AKAP19: variants seen among roughly 807,000 people sequenced by gnomAD.
The protein encoded by AKAP19 is small A-kinase anchoring protein.
chr2:190,098,735 T>G, the AKAP19 span, among the ~76,000 whole-genome samples: 1 of 152,210 alleles, frequency 6.6e-6, no homozygotes, highest in Non-Finnish European at 1.5e-5. Flanking sequence ...TATCTTCCAA[T>G]ATAAGGCTGT....
At chr2:190,008,807 A>G in the AKAP19 span, among the ~76,000 whole-genome samples, 1 of 151,798 alleles carries the variant, frequency 6.6e-6, no homozygotes, top group Non-Finnish European at 1.5e-5. Context: ...TATGGGGTGT[A>G]AGTAAGCAAA....
chr2:190,026,562 G>A, the AKAP19 span, among the ~76,000 whole-genome samples: 1 of 152,324 alleles, frequency 6.6e-6, no homozygotes. Flanking sequence ...CTGGAAATCA[G>A]CACTTCTGCT....
the AKAP19 span, among the ~76,000 whole-genome samples, chr2:189,894,938 A>C: frequency 6.6e-6 from 1 of 151,756 alleles, no homozygotes; most frequent in Non-Finnish European, 1.5e-5. Flanking sequence ...AAAATTTAGA[A>C]TCAAATATAA....
chr2:189,925,019 C>A, the AKAP19 span, among the ~76,000 whole-genome samples: 28 of 152,262 alleles, frequency 1.8e-4, no homozygotes, highest in South Asian at 5.2e-3. Flanking sequence ...AGACAATAAT[C>A]TCTTCTCATT....
chr2:190,119,398 A>G, the AKAP19 span, among the ~76,000 whole-genome samples: 1 of 152,174 alleles, frequency 6.6e-6, no homozygotes, highest in Non-Finnish European at 1.5e-5. Context: ...TTGACTAGGC[A>G]TGTCATTCAC....
chr2:189,984,873 G>A, the AKAP19 span, among the ~76,000 whole-genome samples: 1 of 152,018 alleles, frequency 6.6e-6, no homozygotes, highest in African/African-American at 2.4e-5. Context: ...TGACGCAAAG[G>A]CAGAGAATCT....
the AKAP19 span, among the ~76,000 whole-genome samples, chr2:189,931,718 A>T: frequency 6.6e-6 from 1 of 152,098 alleles, no homozygotes; most frequent in Non-Finnish European, 1.5e-5. Flanking sequence ...TTTTGGGCTC[A>T]GGTGATTCTC....
chr2:189,977,129 C>A, the AKAP19 span, among the ~76,000 whole-genome samples: 1 of 152,190 alleles, frequency 6.6e-6, no homozygotes, highest in Non-Finnish European at 1.5e-5. Context: ...TGCCCCCAAC[C>A]ATTTGGTTTT....
At chr2:190,053,312 A>G in the AKAP19 span, among the ~76,000 whole-genome samples, 14,208 of 152,164 alleles carry the variant, frequency 0.093, 1,399 homozygotes, top group African/African-American at 0.24. Context: ...TTGACAGGAT[A>G]TGATACTATT....
the AKAP19 span, among the ~76,000 whole-genome samples, chr2:190,186,879 G>A: frequency 2.6e-5 from 4 of 151,592 alleles, no homozygotes; most frequent in Non-Finnish European, 4.4e-5. This position sits in a 1 kb window ranked among gnomAD's most constrained non-coding sequence, Gnocchi z 5.5. Context: ...TCACTCTATC[G>A]CCCAGGCTGG....
At chr2:190,008,763 CA>C in the AKAP19 span, among the ~76,000 whole-genome samples, 94 of 118,056 alleles carry the variant, frequency 8.0e-4, no homozygotes, top group African/African-American at 2.1e-3. Flanking sequence ...CACACACACA[CA>C]CACACACCCA....
the AKAP19 span, among the ~76,000 whole-genome samples, chr2:189,972,673 A>G: frequency 6.6e-6 from 1 of 152,094 alleles, no homozygotes; most frequent in Non-Finnish European, 1.5e-5. Flanking sequence ...AGTGGTTTGT[A>G]GTTCTCCTTG....
At chr2:190,102,686 G>GTAA in the AKAP19 span, among the ~76,000 whole-genome samples, 577 of 152,116 alleles carry the variant, frequency 3.8e-3, 3 homozygotes, top group African/African-American at 0.014. Context: ...AGTTGAATCA[G>GTAA]TAATAATAAA....
At chr2:190,200,054 T>C in the AKAP19 span, 4 of 1,614,124 alleles carry the variant, frequency 2.5e-6, no homozygotes, top group South Asian at 1.1e-5. Context: ...GCACACCGCC[T>C]GTCTCAGGAT....
At chr2:189,933,040 C>A in the AKAP19 span, among the ~76,000 whole-genome samples, 1 of 152,122 alleles carries the variant, frequency 6.6e-6, no homozygotes, top group African/African-American at 2.4e-5. Flanking sequence ...ATGTCATCAC[C>A]AGCATCACTT....
the AKAP19 span, among the ~76,000 whole-genome samples, chr2:189,976,292 G>A: frequency 7.9e-5 from 12 of 152,226 alleles, no homozygotes; most frequent in South Asian, 2.1e-4. Context: ...GCAGAACAGC[G>A]AATATTGCTG....
At chr2:189,936,259 T>TACACACAC in the AKAP19 span, among the ~76,000 whole-genome samples, 23 of 149,044 alleles carry the variant, frequency 1.5e-4, no homozygotes, top group African/African-American at 4.6e-4. Flanking sequence ...GACTTGTTGA[T>TACACACAC]ACACACACAC....
chr2:189,930,755 T>G, the AKAP19 span: 1 of 714,852 alleles, frequency 1.4e-6, no homozygotes. Flanking sequence ...CAGATCTGTT[T>G]TACTGATCCA....
the AKAP19 span, among the ~76,000 whole-genome samples, chr2:189,939,919 G>A: frequency 6.6e-6 from 1 of 152,110 alleles, no homozygotes; most frequent in South Asian, 2.1e-4. Flanking sequence ...GCCGAGGCAG[G>A]TGGATCAGGC....
Sources: allele counts gnomAD v4.1 joint callset (sites outside exome capture counted in the v4.1 genomes callset), GRCh38; gene constraint gnomAD v4.1.1; non-coding constraint Gnocchi (gnomAD v3.1); transcripts MANE v1.5; gene names NCBI Gene and HGNC (gene_info 2026-07-23, HGNC 2026-07-21).